Variants in DLGAP4 observed in about 807,000 individuals in gnomAD.
DLGAP4 encodes DLG associated protein 4, also known as disks large-associated protein 4.
Under a neutral mutation model 86.9 loss-of-function variants are expected in DLGAP4, and 18 were observed. The observed-to-expected ratio is 0.21, with a 90% CI of 0.14 to 0.31. The LOEUF is 0.31. Ranked by LOEUF, DLGAP4 falls within the 10% of genes least tolerant of loss-of-function variation. The pLI is 1.00. For synonymous variants in DLGAP4, 548 were observed against 574.3 expected (o/e 0.95, Z 0.65); for missense variants, 1,085 against 1,362.6 (o/e 0.80, Z 3.21).
chr20:36,349,921 C>T (rs1287682598), intron 1 of DLGAP4, among the ~76,000 whole-genome samples: 1 of 152,282 alleles, frequency 6.6e-6, no homozygotes, highest in East Asian at 1.9e-4. Flanking sequence ...GGCTGTCCTC[C>T]CCTGACTGCC....
intron 7 of DLGAP4, chr20:36,462,589 C>G (rs2034144356): frequency 1.3e-6 from 2 of 1,598,224 alleles, no homozygotes; most frequent in Non-Finnish European, 1.7e-6. Context: ...GTCTGGAGCT[C>G]TTGAAGCAAT....
intron 2 of DLGAP4, among the ~76,000 whole-genome samples, chr20:36,384,147 G>C (rs2031511286): frequency 6.6e-6 from 1 of 152,134 alleles, no homozygotes; most frequent in Admixed American, 6.5e-5. Context: ...GAGCTGTGCT[G>C]TTTGGGGTGC....
At chr20:36,444,244 C>T (rs1218897323) in intron 6 of DLGAP4, among the ~76,000 whole-genome samples, 2 of 152,182 alleles carry the variant, frequency 1.3e-5, no homozygotes, top group African/African-American at 4.8e-5. Context: ...TTCTATAATT[C>T]ACACTGCCCA....
intron 2 of DLGAP4, among the ~76,000 whole-genome samples, chr20:36,417,879 A>G (rs141952032): frequency 0.014 from 2,064 of 151,954 alleles, 45 homozygotes; most frequent in African/African-American, 0.048. Context: ...CCACCTCCCA[A>G]GTTCAAGCGA....
At chr20:36,409,010 C>T (rs1457532904) in intron 2 of DLGAP4, among the ~76,000 whole-genome samples, 1 of 148,124 alleles carries the variant, frequency 6.8e-6, no homozygotes, top group African/African-American at 2.5e-5. Flanking sequence ...CTAGAATAAT[C>T]TAAAACTATT....
Position 36,496,895 on chromosome 20 carries a change from C to T in DLGAP4, c.1839C>T (p.Asp613=). 2 of 1,614,212 alleles carry T rather than the reference C, an allele frequency of 1.2e-6. No homozygotes were observed. The highest frequency in any genetic ancestry group is 1.7e-6 in the Non-Finnish European group (2 of 1,180,042). Residue 613 remains aspartate (D), a synonymous_variant, in exon 8 of 13, where the codon GAC becomes GAT. Coordinates refer to ENST00000339266, the MANE Select transcript of DLGAP4 (RefSeq NM_001365621.2). ...SGLSNSSDSL[D]SSTRPPSVTR... ...TGAGCAACTCGTCGGACAGCCTGGACAGCAGTACCCGACCGCCCAGCGTGA... is the reference window on the plus strand; with the variant it reads ...TGAGCAACTCGTCGGACAGCCTGGATAGCAGTACCCGACCGCCCAGCGTGA...
chr20:36,424,258 C>G (rs1483352483), intron 2 of DLGAP4, among the ~76,000 whole-genome samples: 3 of 152,186 alleles, frequency 2.0e-5, no homozygotes, highest in African/African-American at 7.2e-5. Flanking sequence ...AGCTCTGGAA[C>G]TGGGATGGCC....
chr20:36,453,778 C>T (rs943380685), intron 7 of DLGAP4, among the ~76,000 whole-genome samples: 6 of 150,340 alleles, frequency 4.0e-5, no homozygotes, highest in Non-Finnish European at 7.4e-5. Context: ...GCTAAAAATA[C>T]AAAAATTAGC....
At chr20:36,525,645 C>T (rs2037705527) in intron 11 of DLGAP4, 2 of 643,058 alleles carry the variant, frequency 3.1e-6, no homozygotes, top group Non-Finnish European at 5.3e-6. Context: ...AGCCCTTAGA[C>T]TATCCCCCAA....
In DLGAP4 at chr20:36,436,353, A is replaced by G. The variant is rs1260270163; in HGVS notation, c.1241+3A>G. On this transcript the variant is annotated splice_donor_region_variant and intron_variant, in intron 4 of 12. Transcript: ENST00000339266. ...GGAGAGCAGAGCAACCCCCGCAGGTAGGCGCGCAGCTCCACCCTTACGGTC... is the reference window on the plus strand; with the variant it reads ...GGAGAGCAGAGCAACCCCCGCAGGTGGGCGCGCAGCTCCACCCTTACGGTC... The G allele has an allele frequency of 6.3e-7, 1 of 1,590,174 alleles. No homozygotes were observed.
chr20:36,491,985 C>T (rs2035684326), intron 7 of DLGAP4, among the ~76,000 whole-genome samples: 1 of 152,152 alleles, frequency 6.6e-6, no homozygotes, highest in African/African-American at 2.4e-5. Flanking sequence ...GTGGTCAGTG[C>T]TCTGATGGAG....
chr20:36,376,875 G>A (rs1488927554), intron 2 of DLGAP4, among the ~76,000 whole-genome samples: 2 of 152,198 alleles, frequency 1.3e-5, no homozygotes, highest in Non-Finnish European at 2.9e-5. Context: ...GAAGGTGGGA[G>A]GAGAGCGTGT....
In DLGAP4 at chr20:36,446,816, C is replaced by T. The variant is rs778583574; in HGVS notation, c.1527C>T (p.Arg509=). ...CACTGCCCAGCTACTTCCGCTCCCG[C>T]AGCCACAGCTACCTGCGTGCCATCC... The part of the protein sequence containing the change: ...DLPLPSYFRS[R]SHSYLRAIQA... The change falls in exon 7 of 13, where the codon CGC becomes CGT. Residue 509 remains arginine (R), a synonymous_variant. Coordinates refer to ENST00000339266, the MANE Select transcript of DLGAP4 (RefSeq NM_001365621.2). The T allele has an allele frequency of 1.2e-5, 19 of 1,612,816 alleles. No homozygotes were observed. The highest frequency in any genetic ancestry group is 1.6e-5 in the Non-Finnish European group (19 of 1,179,812).
intron 5 of DLGAP4, 124 bp from the exon 6 acceptor site, chr20:36,442,603 T>C: frequency 9.7e-7 from 1 of 1,035,310 alleles, no homozygotes. Context: ...AGCAGCTGTG[T>C]CCCAGCCAGT....
intron 7 of DLGAP4, among the ~76,000 whole-genome samples, chr20:36,472,670 G>A (rs2034722234): frequency 6.6e-6 from 1 of 152,012 alleles, no homozygotes. Context: ...GACTCTCCTA[G>A]TCCTTAACTC....
chr20:36,443,425 C>T (rs143854445), intron 6 of DLGAP4, among the ~76,000 whole-genome samples: 364 of 152,228 alleles, frequency 2.4e-3, no homozygotes, highest in African/African-American at 7.7e-3. Flanking sequence ...ACTTTGTAGC[C>T]AGGAGTGGGT....
In DLGAP4 at chr20:36,527,089, G is replaced by C; in HGVS notation, c.*58G>C. On this transcript the variant is annotated 3_prime_UTR_variant, in exon 13 of 13. Transcript: ENST00000339266. ...CATTAAAAACACAAAAACTAAGTGC[G>C]AACGGAACAGAGTTTTCTCAACCTT... 6.8e-7 allele frequency: 1 copy of C among 1,480,852 alleles called. No individual in the cohort carries two copies. Among genetic ancestry groups the C allele is most frequent in the South Asian group, 1.3e-5 (1 of 78,126 alleles). The allele number at this position is 1,480,852 out of a possible 1,614,324, so 91.7% of individuals were successfully genotyped here. A position where few individuals can be genotyped will look rare whatever the true frequency, so the allele number is the denominator to read the frequency against.
At chr20:36,394,061 A>G (rs2031868975) in intron 2 of DLGAP4, among the ~76,000 whole-genome samples, 1 of 152,116 alleles carries the variant, frequency 6.6e-6, no homozygotes, top group African/African-American at 2.4e-5. Flanking sequence ...GCCTTTGCAC[A>G]TGCTGTCCCC....
intron 7 of DLGAP4, among the ~76,000 whole-genome samples, chr20:36,490,933 G>T (rs2035634497): frequency 6.6e-6 from 1 of 151,540 alleles, no homozygotes; most frequent in Non-Finnish European, 1.5e-5. Context: ...GGTGGCTCAC[G>T]CCTGTAATCC....
Sources: gnomAD v4.1 joint callset for allele counts (sites outside exome capture counted in the v4.1 genomes callset) on GRCh38, gnomAD v4.1.1 for gene constraint, MANE v1.5 for transcripts, NCBI Gene and HGNC (gene_info 2026-07-23, HGNC 2026-07-21) for gene names.